RPTOR: variants seen among roughly 807,000 people sequenced by gnomAD.
RPTOR encodes the protein regulatory associated protein of MTOR complex 1, also known as regulatory-associated protein of mTOR.
A neutral mutation model predicts 169.9 loss-of-function variants in RPTOR; 21 were observed. The observed-to-expected ratio is 0.12, with a 90% confidence interval of 0.09 to 0.18. RPTOR has a LOEUF of 0.18. Among genes scored for constraint, RPTOR ranks in the 10% least tolerant of loss-of-function variants. The pLI, the probability that RPTOR is intolerant of heterozygous loss-of-function variation, is 1.00. For missense variants in RPTOR, 1,133 were observed against 1,855.9 expected (o/e 0.61, Z 7.16); for synonymous variants, 732 against 753.2 (o/e 0.97, Z 0.46).
intron 1 of RPTOR, among the ~76,000 whole-genome samples, chr17:80,555,276 T>C (rs2084394486): frequency 6.6e-6 from 1 of 152,254 alleles, no homozygotes; most frequent in South Asian, 2.1e-4. Flanking sequence ...TGTTGAGGTC[T>C]CTGGACTTGG....
intron 24 of RPTOR, among the ~76,000 whole-genome samples, chr17:80,933,771 A>G (rs918193463): frequency 6.6e-6 from 1 of 152,260 alleles, no homozygotes; most frequent in Non-Finnish European, 1.5e-5. Flanking sequence ...ATATAGGTCA[A>G]TGGATTTGAA....
intron 1 of RPTOR, among the ~76,000 whole-genome samples, chr17:80,581,628 A>C (rs1393035208): frequency 1.4e-5 from 2 of 144,446 alleles, no homozygotes; most frequent in African/African-American, 5.4e-5. Flanking sequence ...TGGAGACCGC[A>C]CATCGGGCCA....
intron 17 of RPTOR, among the ~76,000 whole-genome samples, chr17:80,887,757 T>C (rs1414463068): frequency 6.6e-6 from 1 of 152,242 alleles, no homozygotes; most frequent in Non-Finnish European, 1.5e-5. Flanking sequence ...ATAATAAAAG[T>C]GTCCTCTCCT....
At chr17:80,563,565 C>CAAAAAAAAAAAAAAAAAAAAAAAAA (rs10649649) in intron 1 of RPTOR, among the ~76,000 whole-genome samples, 2 of 94,204 alleles carry the variant, frequency 2.1e-5, no homozygotes, top group Non-Finnish European at 3.9e-5. Flanking sequence ...ACTAAGTCTC[C>CAAAAAAAAAAAAAAAAAAAAAAAAA]AAAAAAAAAA....
intron 6 of RPTOR, among the ~76,000 whole-genome samples, chr17:80,780,692 G>A (rs1000168992): frequency 1.3e-5 from 2 of 152,120 alleles, no homozygotes; most frequent in South Asian, 2.1e-4. Context: ...CACACGTCAG[G>A]TGAGTCGTAA....
intron 3 of RPTOR, among the ~76,000 whole-genome samples, chr17:80,679,711 G>T (rs1266750500): frequency 6.6e-6 from 1 of 152,254 alleles, no homozygotes; most frequent in South Asian, 2.1e-4. Context: ...AGGAGTTGAA[G>T]TGTCTTCAGA....
chr17:80,684,189 C>T (rs1004298005), intron 3 of RPTOR, among the ~76,000 whole-genome samples: 13 of 152,168 alleles, frequency 8.5e-5, no homozygotes, highest in African/African-American at 3.1e-4. Context: ...CTCAAGTTCA[C>T]GTGTTTAGTT....
intron 25 of RPTOR, among the ~76,000 whole-genome samples, chr17:80,942,860 G>C (rs946441830): frequency 6.6e-6 from 1 of 152,218 alleles, no homozygotes; most frequent in African/African-American, 2.4e-5. Flanking sequence ...AAATGCGTGG[G>C]CTGGGTGGGG....
At chr17:80,834,129 C>T (rs2067537621) in intron 9 of RPTOR, among the ~76,000 whole-genome samples, 2 of 152,214 alleles carry the variant, frequency 1.3e-5, no homozygotes, top group Admixed American at 1.3e-4. Context: ...CAGGCGGTGC[C>T]AGGGTGCAAG....
At position 80,846,566 on chromosome 17, in the gene RPTOR, G is replaced by A. The variant is rs777839906; in HGVS notation, c.1306G>A (p.Val436Ile). The change falls in exon 11 of 34, where the codon GTC (valine) becomes ATC (isoleucine). Residue 436 changes from valine (V) to isoleucine (I), a missense_variant. Physicochemically the swap from Val to Ile is conservative, Grantham distance 29. Coordinates refer to ENST00000306801, the MANE Select transcript of RPTOR (RefSeq NM_020761.3). The part of the protein sequence containing the change: ...NRNPPEQLPI[V>I]LQVLLSQVHR... ...AAACCCACCCGAACAGCTGCCCATC[G>A]TCCTGCAGGTGAGTTTCTTCAGACC... 5.0e-6 allele frequency: 8 copies of A among 1,614,088 alleles called. No homozygotes were observed. Among genetic ancestry groups the A allele is most frequent in the East Asian group, 2.2e-5 (1 of 44,878 alleles).
chr17:80,635,927 C>T lies in RPTOR; in HGVS notation c.266-7801C>T, dbSNP rs531240901. On this transcript the variant is annotated intron_variant, in intron 2 of 33. Transcript: ENST00000306801. ...TCTGCCTTCCTCAAGATGAGAATGA[C>T]GGGGGCCATGGAGGAAGCCAAAACA... 6.6e-5 allele frequency among the ~76,000 whole-genome samples: 10 copies of T among 152,116 alleles called. No homozygotes were observed. In the South Asian group the frequency reaches 1.5e-3, roughly 22 times the overall value.
At chr17:80,932,715 C>T (rs2068913022) in intron 24 of RPTOR, among the ~76,000 whole-genome samples, 1 of 152,176 alleles carries the variant, frequency 6.6e-6, no homozygotes, top group African/African-American at 2.4e-5. Context: ...AACAGGATTG[C>T]AGATCATCTG....
intron 3 of RPTOR, among the ~76,000 whole-genome samples, chr17:80,668,460 A>G (rs924926958): frequency 6.6e-6 from 1 of 152,192 alleles, no homozygotes; most frequent in Non-Finnish European, 1.5e-5. Flanking sequence ...CTGTCCCCTC[A>G]GCATGCACTT....
intron 28 of RPTOR, among the ~76,000 whole-genome samples, chr17:80,952,022 C>T (rs1243018980): frequency 6.6e-6 from 1 of 152,224 alleles, no homozygotes; most frequent in Non-Finnish European, 1.5e-5. Flanking sequence ...GCTCGGCACT[C>T]ACCCAATGAG....
chr17:80,724,759 C>T (rs1319625829), intron 4 of RPTOR, among the ~76,000 whole-genome samples: 1 of 152,226 alleles, frequency 6.6e-6, no homozygotes, highest in Non-Finnish European at 1.5e-5. Flanking sequence ...CCCGTTCCCT[C>T]CTCTGCAGTG....
At chr17:80,655,720 GTGA>G (rs1395494699) in intron 3 of RPTOR, among the ~76,000 whole-genome samples, 2 of 152,064 alleles carry the variant, frequency 1.3e-5, no homozygotes, top group Admixed American at 1.3e-4. Flanking sequence ...GACTACAGGT[GTGA>G]GCCACAGTGC....
chr17:80,711,744 C>CTTTTTGTTTTTTTTTTTTTTTTTTTTTT (rs2066193184), intron 4 of RPTOR, among the ~76,000 whole-genome samples: 2 of 88,850 alleles, frequency 2.3e-5, no homozygotes, highest in African/African-American at 6.4e-5. Flanking sequence ...ATACATCAGT[C>CTTTTTGTTTTTTTTTTTTTTTTTTTTTT]TTTTTTTTTT....
At chr17:80,664,281 C>T (rs1488976808) in intron 3 of RPTOR, among the ~76,000 whole-genome samples, 1 of 152,104 alleles carries the variant, frequency 6.6e-6, no homozygotes, top group African/African-American at 2.4e-5. Context: ...TCTTTAATGC[C>T]CAGCACAAAT....
At chr17:80,885,171 A>G (rs1351699517) in intron 17 of RPTOR, 23 bp downstream of exon 17, 8 of 1,548,244 alleles carry the variant, frequency 5.2e-6, no homozygotes, top group South Asian at 1.2e-5. Context: ...CCAGCCCGGC[A>G]GCAGCAGGGC....
Sources: gnomAD v4.1 joint callset for allele counts (sites outside exome capture counted in the v4.1 genomes callset) on GRCh38, gnomAD v4.1.1 for gene constraint, MANE v1.5 for transcripts, NCBI Gene and HGNC (gene_info 2026-07-23, HGNC 2026-07-21) for gene names.